Variants in CCSER2 observed in about 807,000 individuals in gnomAD.
CCSER2 encodes serine-rich coiled-coil domain-containing protein 2.
A neutral mutation model predicts 92.3 loss-of-function variants in CCSER2; 46 were observed. The ratio of observed to expected loss-of-function variants is 0.50; its 90% CI spans 0.39 to 0.64. CCSER2 has a LOEUF of 0.64. Ranked by LOEUF, CCSER2 falls within the 30% of genes least tolerant of loss-of-function variation. The pLI is 0.00. For synonymous variants in CCSER2, 433 were observed against 431.4 expected, an observed-to-expected ratio of 1.00 and a Z score of -0.04; for missense variants, 1,244 against 1,238.9, an observed-to-expected ratio of 1.00 and a Z score of -0.06.
chr10:84,384,180 G>A (rs1233339357), intron 3 of CCSER2, among the ~76,000 whole-genome samples: 2 of 151,980 alleles, frequency 1.3e-5, no homozygotes, highest in Non-Finnish European at 2.9e-5. Flanking sequence ...ATTCACAGTC[G>A]AATTTTACTA....
rs143880057 is a variant in CCSER2 at position 84,419,502 on chromosome 10, G to T, written c.1705+1641G>T. Among the ~76,000 whole-genome samples the T allele has an allele frequency of 5.2e-3, 799 of 152,260 alleles. 2 individuals carry two copies. Among genetic ancestry groups the T allele is most frequent in the African/African-American group, 0.018 (758 of 41,548 alleles). ...GCCAAACCTAACACCTTTGAGACTG[G>T]GAAGTGTACTCTTCATAATGAAGGC... On this transcript the variant is annotated intron_variant, in intron 4 of 9. Coordinates refer to ENST00000372088, the MANE Select transcript of CCSER2 (RefSeq NM_001284240.2).
chr10:84,413,177 T>C (rs1842739245), intron 3 of CCSER2, among the ~76,000 whole-genome samples: 1 of 152,032 alleles, frequency 6.6e-6, no homozygotes, highest in African/African-American at 2.4e-5. Flanking sequence ...TGGTTATTTC[T>C]TGTCTTCTGC....
intron 1 of CCSER2, among the ~76,000 whole-genome samples, chr10:84,349,777 T>G (rs1468690331): frequency 1.3e-5 from 2 of 152,236 alleles, no homozygotes; most frequent in Non-Finnish European, 2.9e-5. Flanking sequence ...CTACCGACTT[T>G]CCTACCTGAT....
At chr10:84,427,570 TA>T in intron 5 of CCSER2, among the ~76,000 whole-genome samples, 1 of 152,300 alleles carries the variant, frequency 6.6e-6, no homozygotes, top group Non-Finnish European at 1.5e-5. Context: ...TGTCATTAGT[TA>T]TAGGATCATG....
chr10:84,347,546 CG>C (rs1222852095), intron 1 of CCSER2, among the ~76,000 whole-genome samples: 2 of 146,538 alleles, frequency 1.4e-5, no homozygotes, highest in African/African-American at 5.1e-5. Context: ...GCTGGCCGGG[CG>C]GGGGCTGCCT....
At chr10:84,359,143 T>C (rs1845360860) in intron 1 of CCSER2, among the ~76,000 whole-genome samples, 2 of 152,282 alleles carry the variant, frequency 1.3e-5, no homozygotes, top group East Asian at 3.9e-4. Flanking sequence ...TTTTTTTTCT[T>C]TTTAAAAAGT....
chr10:84,444,116 T>C lies in CCSER2; in HGVS notation c.2064+5409T>C, dbSNP rs192848008. Reference sequence around the variant, plus strand: ...GTAACAAACCTGCACATTCTGCACATGTATCCCAGAAGTTAAAGTATAATA... The same window carrying C: ...GTAACAAACCTGCACATTCTGCACACGTATCCCAGAAGTTAAAGTATAATA... On this transcript the variant is annotated intron_variant, in intron 6 of 9. Transcript: ENST00000372088. Among the ~76,000 whole-genome samples, 132 of 151,986 alleles carry C rather than the reference T, an allele frequency of 8.7e-4. 1 individual carries two copies. The highest frequency in any genetic ancestry group is 3.0e-3 in the African/African-American group (124 of 41,444).
In CCSER2 at chr10:84,373,795, T is replaced by C. The variant is rs1846190892; in HGVS notation, c.1594T>C (p.Ser532Pro). 1 of 1,613,530 alleles carries C rather than the reference T, an allele frequency of 6.2e-7. No individual in the cohort carries two copies. Among genetic ancestry groups the C allele is most frequent in the Non-Finnish European group, 8.5e-7 (1 of 1,179,712 alleles). Residue 532 changes from serine (S) to proline (P), a missense_variant, in exon 3 of 10, where the codon TCC (serine) becomes CCC (proline). Coordinates refer to ENST00000372088, the MANE Select transcript of CCSER2 (RefSeq NM_001284240.2). ...TGTCCATCCAGTTGGGAGCTATGAG[T>C]CCTCTGAAATGAACAGCATAGTATG... Reference protein sequence around the residue: ...GNVHPVGSYESSEMNSIDILN... With the variant: ...GNVHPVGSYEPSEMNSIDILN...
At chr10:84,424,332 A>G (rs939905630) in intron 4 of CCSER2, among the ~76,000 whole-genome samples, 1 of 152,082 alleles carries the variant, frequency 6.6e-6, no homozygotes, top group Non-Finnish European at 1.5e-5. Flanking sequence ...ACAAATTGAA[A>G]TAAGTTCAAA....
At chr10:84,395,890 T>A (rs1387214581) in intron 3 of CCSER2, among the ~76,000 whole-genome samples, 2 of 152,194 alleles carry the variant, frequency 1.3e-5, no homozygotes, top group Non-Finnish European at 2.9e-5. Flanking sequence ...GAGAATGAGA[T>A]TTAGAAACCA....
At chr10:84,409,093 A>C (rs1919695) in intron 3 of CCSER2, among the ~76,000 whole-genome samples, 32,258 of 151,760 alleles carry the variant, frequency 0.21, 3,644 homozygotes, top group Admixed American at 0.34. Flanking sequence ...CGGGTTCAAG[A>C]GATTCTCCTG....
At chr10:84,478,524 A>G (rs1216723640) in intron 9 of CCSER2, among the ~76,000 whole-genome samples, 1 of 152,208 alleles carries the variant, frequency 6.6e-6, no homozygotes, top group African/African-American at 2.4e-5. Context: ...TTTAAAGTTT[A>G]TAAAAGAGTT....
chr10:84,376,357 G>A (rs911176960), intron 3 of CCSER2, among the ~76,000 whole-genome samples: 2 of 152,018 alleles, frequency 1.3e-5, no homozygotes, highest in African/African-American at 4.8e-5. Context: ...TACTCCCATC[G>A]CTCCAGAGTG....
At chr10:84,422,890 C>CA (rs1843221353) in intron 4 of CCSER2, among the ~76,000 whole-genome samples, 1 of 151,988 alleles carries the variant, frequency 6.6e-6, no homozygotes, top group Non-Finnish European at 1.5e-5. Context: ...CCCTTCTCTA[C>CA]TAAAAACAGA....
intron 9 of CCSER2, among the ~76,000 whole-genome samples, chr10:84,503,238 A>T (rs1042761525): frequency 6.6e-6 from 1 of 152,118 alleles, no homozygotes; most frequent in African/African-American, 2.4e-5. Flanking sequence ...AAAAAAAAGA[A>T]TATAGGAAAA....
At chr10:84,434,211 T>C (rs1782269572) in intron 5 of CCSER2, among the ~76,000 whole-genome samples, 1 of 152,210 alleles carries the variant, frequency 6.6e-6, no homozygotes, top group Non-Finnish European at 1.5e-5. Context: ...GAAAGTGATT[T>C]TACCTCCCAT....
At chr10:84,425,017 A>C in intron 4 of CCSER2, 1 of 983,332 alleles carries the variant, frequency 1.0e-6, no homozygotes, top group Non-Finnish European at 1.2e-6. Context: ...TCTCTTAGTG[A>C]GTGCTCAGAT....
chr10:84,388,928 G>C (rs1841370847), intron 3 of CCSER2, among the ~76,000 whole-genome samples: 1 of 152,096 alleles, frequency 6.6e-6, no homozygotes, highest in South Asian at 2.1e-4. Context: ...GCCATAGACT[G>C]GTACTGGTCC....
At chr10:84,415,844 G>C (rs551581589) in intron 3 of CCSER2, among the ~76,000 whole-genome samples, 1 of 152,314 alleles carries the variant, frequency 6.6e-6, no homozygotes, top group South Asian at 2.1e-4. Context: ...GTTACTGCTG[G>C]CTGGCTGGAA....
Sources: gnomAD v4.1 joint callset for allele counts (sites outside exome capture counted in the v4.1 genomes callset) on GRCh38, gnomAD v4.1.1 for gene constraint, MANE v1.5 for transcripts, NCBI Gene and HGNC (gene_info 2026-07-23, HGNC 2026-07-21) for gene names.